The following METAP1D variants were observed in gnomAD, a reference collection of about 807,000 sequenced individuals.
The protein encoded by METAP1D is methionyl aminopeptidase type 1D, mitochondrial, also known as methionine aminopeptidase 1D, mitochondrial.
Under a neutral mutation model 40.5 loss-of-function variants are expected in METAP1D, and 31 were observed. That is an observed-to-expected ratio of 0.77 (90% confidence interval 0.58 to 1.03). The LOEUF (loss-of-function observed/expected upper bound fraction) is 1.03, where lower values mean the gene tolerates loss of function less well. Ranked by LOEUF, METAP1D falls within the 50% of genes least tolerant of loss-of-function variation. METAP1D has a pLI of 0.00. For synonymous variants in METAP1D, 151 were observed against 146.4 expected (o/e 1.03, Z -0.22); for missense variants, 411 against 420.7 (o/e 0.98, Z 0.20).
chr2:172,010,647 C>T (rs1488497887), intron 1 of METAP1D, among the ~76,000 whole-genome samples: 1 of 151,684 alleles, frequency 6.6e-6, no homozygotes, highest in Non-Finnish European at 1.5e-5. Context: ...CGTGTGCCAC[C>T]TCGCCTGGCT....
At chr2:172,012,282 C>T (rs986447234) in intron 1 of METAP1D, among the ~76,000 whole-genome samples, 4 of 152,186 alleles carry the variant, frequency 2.6e-5, no homozygotes, top group Admixed American at 2.0e-4. Context: ...GTCCTCTCTC[C>T]CCTACTTTAT....
At chr2:172,061,448 A>G (rs780931011) in intron 1 of METAP1D, 50 bp from the exon 2 acceptor site, 1 of 1,481,426 alleles carries the variant, frequency 6.8e-7, no homozygotes, top group South Asian at 1.3e-5. Context: ...AAAGTGGAGG[A>G]CTGTGTTAGG....
chr2:172,025,233 T>A (rs184686735), intron 1 of METAP1D, among the ~76,000 whole-genome samples: 3 of 152,352 alleles, frequency 2.0e-5, no homozygotes, highest in Admixed American at 2.0e-4. Flanking sequence ...GTGATACTGA[T>A]GCAATTATTG....
At chr2:172,077,539 A>G (rs1301838640) in intron 6 of METAP1D, among the ~76,000 whole-genome samples, 1 of 152,238 alleles carries the variant, frequency 6.6e-6, no homozygotes, top group Non-Finnish European at 1.5e-5. Flanking sequence ...TGAATGCTGT[A>G]CAAAGGTAAA....
At chr2:172,016,222 G>C (rs530604312) in intron 1 of METAP1D, among the ~76,000 whole-genome samples, 2 of 119,602 alleles carry the variant, frequency 1.7e-5, no homozygotes, top group South Asian at 5.3e-4. Context: ...GTTGCAGTGA[G>C]CTGAGATCAT....
chr2:172,072,105 G>C (rs961697967), intron 6 of METAP1D, among the ~76,000 whole-genome samples: 7 of 152,044 alleles, frequency 4.6e-5, no homozygotes, highest in Non-Finnish European at 1.0e-4. Context: ...TAACTAGCCT[G>C]GGAAAAAAGG....
At chr2:172,060,416 C>CAAA (rs757713609) in intron 1 of METAP1D, among the ~76,000 whole-genome samples, 56 of 60,744 alleles carry the variant, frequency 9.2e-4, no homozygotes, top group African/African-American at 2.7e-3. Context: ...GACCCTGTCT[C>CAAA]AAAAAAAAAA....
chr2:172,028,870 C>T (rs529239091), intron 1 of METAP1D, among the ~76,000 whole-genome samples: 129 of 152,216 alleles, frequency 8.5e-4, no homozygotes, highest in African/African-American at 3.1e-3. Flanking sequence ...TAACTTGATT[C>T]TTGATTTTCT....
At chr2:172,078,010 GTGTTTATGTGCA>G in intron 7 of METAP1D, 116 bp downstream of exon 7, 1 of 490,958 alleles carries the variant, frequency 2.0e-6, no homozygotes, top group Non-Finnish European at 3.8e-6. Flanking sequence ...GTTTGTGTGT[GTGTTTATGTGCA>G]GGGGGCAGGG....
At chr2:172,030,101 T>TATTTATTTATTTATTTA (rs1559000792) in intron 1 of METAP1D, among the ~76,000 whole-genome samples, 2 of 149,992 alleles carry the variant, frequency 1.3e-5, no homozygotes, top group Admixed American at 6.6e-5. Flanking sequence ...TTTATTTATT[T>TATTTATTTATTTATTTA]TTTTTGAGGC....
At chr2:172,056,684 A>G (rs1690009193) in intron 1 of METAP1D, among the ~76,000 whole-genome samples, 1 of 152,258 alleles carries the variant, frequency 6.6e-6, no homozygotes, top group Non-Finnish European at 1.5e-5. Context: ...AGGAAAAGAA[A>G]GGAGCATTTA....
At chr2:172,003,954 C>T (rs1338422411) in intron 1 of METAP1D, among the ~76,000 whole-genome samples, 3 of 152,104 alleles carry the variant, frequency 2.0e-5, no homozygotes, top group South Asian at 4.2e-4. Flanking sequence ...TAAGTAGACA[C>T]GGGGTTTTGC....
chr2:172,009,020 ATTGT>A (rs781771146), intron 1 of METAP1D, among the ~76,000 whole-genome samples: 4 of 151,548 alleles, frequency 2.6e-5, no homozygotes, highest in Admixed American at 6.6e-5. Flanking sequence ...GTGTTTGTGA[ATTGT>A]TTATTTCTGG....
At chr2:172,021,931 C>T (rs1331555085) in intron 1 of METAP1D, 1 of 152,220 alleles carries the variant, frequency 6.6e-6, no homozygotes, top group African/African-American at 2.4e-5. Flanking sequence ...GAAGAAGAAA[C>T]TTTAAAACAA....
intron 1 of METAP1D, among the ~76,000 whole-genome samples, chr2:172,056,123 C>G (rs1465561599): frequency 1.3e-5 from 2 of 152,144 alleles, no homozygotes; most frequent in African/African-American, 2.4e-5. Flanking sequence ...TGAAAAAAAT[C>G]TTCATGAGTC....
chr2:172,051,900 T>C (rs946896483), intron 1 of METAP1D, among the ~76,000 whole-genome samples: 15 of 152,248 alleles, frequency 9.9e-5, no homozygotes, highest in African/African-American at 3.6e-4. Context: ...GGATAAACTT[T>C]TATGTTTCAG....
intron 1 of METAP1D, among the ~76,000 whole-genome samples, chr2:172,043,014 T>C (rs1267197930): frequency 1.2e-5 from 1 of 80,084 alleles, no homozygotes; most frequent in African/African-American, 3.2e-5. Flanking sequence ...TATGTGTATG[T>C]GTACACATAT....
chr2:172,058,096 GACTCCTGAGTAGCTGA>G (rs1416146782), intron 1 of METAP1D, among the ~76,000 whole-genome samples: 6 of 151,964 alleles, frequency 3.9e-5, no homozygotes, highest in African/African-American at 1.4e-4. Context: ...TAGCTGGACT[GACTCCTGAGTAGCTGA>G]ACTCCTGAGT....
chr2:172,076,030 G>T lies in METAP1D; in HGVS notation c.705-1767G>T, dbSNP rs76231223. ...ATTGCACAGCTTCTTTTATGCAGAG[G>T]AACGAGAGGTATGATGGGGGGAGGG... On this transcript the variant is annotated intron_variant, in intron 6 of 9. Transcript: ENST00000315796. Among the ~76,000 whole-genome samples the T allele has an allele frequency of 2.6e-5, 4 of 152,236 alleles. No individual in the cohort carries two copies. The East Asian group carries it at 5.8e-4, about 22-fold the overall frequency.
Sources: allele counts gnomAD v4.1 joint callset (sites outside exome capture counted in the v4.1 genomes callset), GRCh38; gene constraint gnomAD v4.1.1; transcripts MANE v1.5; gene names NCBI Gene and HGNC (gene_info 2026-07-23, HGNC 2026-07-21).